DTYMK: variants seen among roughly 807,000 people sequenced by gnomAD.
The protein encoded by DTYMK is deoxythymidylate kinase, also known as thymidylate kinase.
A neutral mutation model predicts 20.3 loss-of-function variants in DTYMK; 20 were observed. The ratio of observed to expected loss-of-function variants is 0.99; its 90% CI spans 0.69 to 1.43. The LOEUF (loss-of-function observed/expected upper bound fraction) is 1.43, where lower values mean the gene tolerates loss of function less well. DTYMK is among the 40% of genes most tolerant of loss of function. The pLI is 0.00. For missense variants in DTYMK, 320 were observed against 291.1 expected, an observed-to-expected ratio of 1.10 and a Z score of -0.72; for synonymous variants, 148 against 124.4, an observed-to-expected ratio of 1.19 and a Z score of -1.27.
intron 2 of DTYMK, among the ~76,000 whole-genome samples, chr2:241,681,256 A>G (rs768687729): frequency 6.6e-6 from 1 of 152,270 alleles, no homozygotes; most frequent in Non-Finnish European, 1.5e-5. Flanking sequence ...TAAGGAGTCA[A>G]CTGGCCTCTG....
At chr2:241,685,271 G>A (rs1346690482) in intron 2 of DTYMK, 1 of 153,190 alleles carries the variant, frequency 6.5e-6, no homozygotes, top group Admixed American at 6.5e-5. Context: ...GGAGGCCGAG[G>A]CGAGTGGATC....
At chr2:241,683,268 C>G (rs1289937500) in intron 2 of DTYMK, among the ~76,000 whole-genome samples, 1 of 152,194 alleles carries the variant, frequency 6.6e-6, no homozygotes, top group Admixed American at 6.6e-5. Flanking sequence ...ACACCAAATG[C>G]TGGTGAGGGT....
intron 4 of DTYMK, among the ~76,000 whole-genome samples, chr2:241,676,789 G>C (rs143176659): frequency 2.4e-3 from 365 of 152,328 alleles, no homozygotes; most frequent in Non-Finnish European, 4.1e-3. Context: ...CCACCAGGTC[G>C]AGGTGACTGT....
chr2:241,677,557 C>T (rs753158261), intron 4 of DTYMK, among the ~76,000 whole-genome samples: 1 of 152,244 alleles, frequency 6.6e-6, no homozygotes, highest in Non-Finnish European at 1.5e-5. Flanking sequence ...TGGCGCCCGA[C>T]GTGCCAGAAG....
intron 4 of DTYMK, 36 bp from the exon 5 acceptor site, chr2:241,676,273 C>G (rs529294656): frequency 1.3e-6 from 2 of 1,582,460 alleles, no homozygotes; most frequent in Non-Finnish European, 1.7e-6. Context: ...AAAAGAGGCT[C>G]ATCAGCACGT....
At chr2:241,685,935 A>G in intron 1 of DTYMK, 58 bp from the exon 2 acceptor site, 7 of 1,521,204 alleles carry the variant, frequency 4.6e-6, no homozygotes, top group African/African-American at 1.4e-5. Flanking sequence ...CCTCTATATT[A>G]CAATATAGTT....
At chr2:241,684,732 GA>G in intron 2 of DTYMK, 1 of 467,632 alleles carries the variant, frequency 2.1e-6, no homozygotes, top group South Asian at 1.6e-5. Flanking sequence ...ATTAAGTGTT[GA>G]ATGAAGAGGA....
At chr2:241,686,148 TGTGGACTGG>T (rs1231244959) in intron 1 of DTYMK, among the ~76,000 whole-genome samples, 8 of 152,254 alleles carry the variant, frequency 5.3e-5, no homozygotes, top group Admixed American at 2.6e-4. Context: ...TTATAAAATT[TGTGGACTGG>T]GTGGCCAAAG....
intron 3 of DTYMK, 139 bp downstream of exon 3, chr2:241,680,085 TTAATC>T (rs2069204736): frequency 1.4e-6 from 1 of 707,318 alleles, no homozygotes; most frequent in Admixed American, 2.9e-5. Context: ...TAAAACCAAA[TTAATC>T]TAGCAAAGAG....
At chr2:241,681,508 A>G (rs1416385517) in intron 2 of DTYMK, among the ~76,000 whole-genome samples, 1 of 152,014 alleles carries the variant, frequency 6.6e-6, no homozygotes, top group African/African-American at 2.4e-5. Flanking sequence ...TGGGCAATAT[A>G]GTGAGACCCC....
At chr2:241,679,066 C>CCA (rs980851988) in intron 3 of DTYMK, among the ~76,000 whole-genome samples, 38 of 152,294 alleles carry the variant, frequency 2.5e-4, no homozygotes, top group Admixed American at 1.3e-4. Flanking sequence ...GTCTTTTCTG[C>CCA]CACACACACG....
intron 2 of DTYMK, among the ~76,000 whole-genome samples, chr2:241,681,507 T>C (rs1217016078): frequency 1.3e-5 from 2 of 151,594 alleles, no homozygotes; most frequent in East Asian, 2.0e-4. Flanking sequence ...CTGGGCAATA[T>C]AGTGAGACCC....
rs767123575 is a variant in DTYMK at position 241,686,649 on chromosome 2, C to A, written c.130+5G>T. On this transcript the variant is annotated splice_donor_5th_base_variant and intron_variant, in intron 1 of 4. Transcript: ENST00000305784. ...CGCGGCGCACCCCCCGCCGCGCGCA[C>A]CCACCCGGGAACCGGAGCAGTTCGG... 6.6e-7 allele frequency: 1 copy of A among 1,509,324 alleles called. No homozygotes were observed. The highest frequency in any genetic ancestry group is 8.8e-7 in the Non-Finnish European group (1 of 1,141,268). 93.5% of individuals were successfully genotyped at this position (1,509,324 alleles called of 1,614,324 possible).
chr2:241,678,381 G>A, intron 4 of DTYMK, 71 bp downstream of exon 4: 2 of 1,595,882 alleles, frequency 1.3e-6, no homozygotes, highest in Non-Finnish European at 1.7e-6. Context: ...TGACACAACT[G>A]TGCCAGCCAC....
In DTYMK at chr2:241,685,818, C is replaced by T; in HGVS notation, c.190G>A (p.Glu64Lys). The change falls in exon 2 of 5, where the codon GAG becomes AAG. Residue 64 changes from glutamate (E) to lysine (K), a missense_variant. By Grantham distance (56) the Glu-to-Lys change is moderately conservative. Transcript: ENST00000305784. Reference protein sequence around the residue: ...SSYLQKKSDVEDHSVHLLFSA... With the variant: ...SSYLQKKSDVKDHSVHLLFSA... The stretch of plus-strand genomic sequence containing the variant: ...AAAAGCAGGTGCACCGAGTGATCCT[C>T]CACGTCACTTTTCTTTTGCAAGTAG... 6.2e-7 allele frequency: 1 copy of T among 1,614,200 alleles called. No individual in the cohort carries two copies.
At chr2:241,678,808 C>T (rs1331613183) in intron 3 of DTYMK, among the ~76,000 whole-genome samples, 159 bp from the exon 4 acceptor site, 1 of 152,158 alleles carries the variant, frequency 6.6e-6, no homozygotes, top group Non-Finnish European at 1.5e-5. Context: ...TCAAACGTGT[C>T]GGTTTCTCCA....
In DTYMK at chr2:241,676,067, G is replaced by A. The variant is rs964644396; in HGVS notation, c.*60C>T. On this transcript the variant is annotated 3_prime_UTR_variant, in exon 5 of 5. Coordinates refer to ENST00000305784, the MANE Select transcript of DTYMK (RefSeq NM_012145.4). ...GACTCTGCTGGGGACGGGGCCTTCCGCGAGTCTCCCACCTCTCGGGGGACT... is the reference window on the plus strand; with the variant it reads ...GACTCTGCTGGGGACGGGGCCTTCCACGAGTCTCCCACCTCTCGGGGGACT... The A allele has an allele frequency of 1.3e-5, 19 of 1,502,944 alleles. No homozygotes were observed. Among genetic ancestry groups the A allele is most frequent in the East Asian group, 2.4e-5 (1 of 42,334 alleles). The allele number at this position is 1,502,944 out of a possible 1,614,324, so 93.1% of individuals were successfully genotyped here. A position where few individuals can be genotyped will look rare whatever the true frequency, so the allele number is the denominator to read the frequency against.
chr2:241,682,778 G>T (rs1222611320), intron 2 of DTYMK: 2 of 82,464 alleles, frequency 2.4e-5, no homozygotes, highest in African/African-American at 5.5e-5. Flanking sequence ...AGAAAAATTA[G>T]CCGGGCGTGG....
chr2:241,676,425 C>G (rs1008991565), intron 4 of DTYMK, among the ~76,000 whole-genome samples, 188 bp from the exon 5 acceptor site: 2 of 152,162 alleles, frequency 1.3e-5, no homozygotes, highest in Non-Finnish European at 1.5e-5. Context: ...TGGCACCACT[C>G]TACTCCAGCC....
Sources: allele counts gnomAD v4.1 joint callset (sites outside exome capture counted in the v4.1 genomes callset), GRCh38; gene constraint gnomAD v4.1.1; transcripts MANE v1.5; gene names NCBI Gene and HGNC (gene_info 2026-07-23, HGNC 2026-07-21).